The following RHOT2 variants were observed in gnomAD, a reference collection of about 807,000 sequenced individuals.
RHOT2 encodes mitochondrial Rho GTPase 2.
A neutral mutation model predicts 81.6 loss-of-function variants in RHOT2; 90 were observed. The observed-to-expected ratio is 1.10, with a 90% CI of 0.93 to 1.31. RHOT2 has a LOEUF of 1.31. Among genes scored for constraint, RHOT2 ranks in the 40% most tolerant of loss-of-function variants. The pLI, the probability that RHOT2 is intolerant of heterozygous loss-of-function variation, is 0.00. For missense variants in RHOT2, 1,014 were observed against 841.9 expected (o/e 1.20, Z -2.53); for synonymous variants, 512 against 370.9 (o/e 1.38, Z -4.37).
Position 668,382 on chromosome 16 carries a change from T to C in RHOT2, c.67T>C (p.Ser23Pro). 6.9e-7 allele frequency: 1 copy of C among 1,459,602 alleles called. No homozygotes were observed. The highest frequency in any genetic ancestry group is 2.6e-5 in the Admixed American group (1 of 38,902). The allele number at this position is 1,459,602 out of a possible 1,614,324, so 90.4% of individuals were successfully genotyped here. ...GGTGGGGAAGACGTCGCTGATCCTG[T>C]CCCTGGTGGGCGAGGAGTTCCCCGA... The part of the protein sequence containing the change: ...AQVGKTSLIL[S>P]LVGEEFPEEV... Residue 23 changes from serine to proline, a missense_variant, in exon 2 of 19, where the codon TCC (serine) becomes CCC (proline). Transcript: ENST00000315082.
chr16:670,186 GA>G lies in RHOT2; in HGVS notation c.329+12del, dbSNP rs781481956. The G allele has an allele frequency of 2.3e-5, 37 of 1,608,340 alleles. No individual in the cohort carries two copies. Among genetic ancestry groups the G allele is most frequent in the Non-Finnish European group, 2.7e-5 (32 of 1,177,888 alleles). On this transcript the variant is annotated intron_variant, in intron 6 of 18. Transcript: ENST00000315082. ...CACGCAGGGGCCCAGGTAATGAGGG[GA>G]TGTGGAAGGGGCTGGGACCCCTGGC... is the stretch of plus-strand genomic sequence containing the variant.
intron 11 of RHOT2, 85 bp from the exon 12 acceptor site, chr16:671,612 C>T (rs994298777): frequency 2.1e-5 from 31 of 1,451,768 alleles, no homozygotes; most frequent in African/African-American, 4.2e-5. Flanking sequence ...CCGGCTGCAC[C>T]GATGGGGCTG....
At chr16:669,887 C>T (rs545605592) in intron 5 of RHOT2, 114 of 609,570 alleles carry the variant, frequency 1.9e-4, no homozygotes, top group Non-Finnish European at 2.7e-4. Flanking sequence ...GCGTTGGGGG[C>T]GGCCCTAGGC....
rs1215593170 is a variant in RHOT2 at position 668,193 on chromosome 16, G to C, written c.-7G>C. On this transcript the variant is annotated 5_prime_UTR_variant, in exon 1 of 19. Coordinates refer to ENST00000315082, the MANE Select transcript of RHOT2 (RefSeq NM_138769.3). ...TCCGGGTCGGGGAGCGGCTCCGGGC[G>C]GCAGCTATGAGGCGGGACGTGCGCA... The C allele has an allele frequency of 1.2e-5, 6 of 482,820 alleles. No individual in the cohort carries two copies. The highest frequency in any genetic ancestry group is 5.0e-4 in the Middle Eastern group (1 of 2,000). The allele number at this position is 482,820 out of a possible 1,614,324, so 29.9% of individuals were successfully genotyped here.
Position 668,260 on chromosome 16 carries a change from G to A in RHOT2, c.37+24G>A, listed in dbSNP as rs747375765. ...GGGTAGGCGCCGGCCCGGGGGTCTC[G>A]GAGCTGCGGCGGCCGTGAGGCGGGG... On this transcript the variant is annotated intron_variant, in intron 1 of 18. Coordinates refer to ENST00000315082, the MANE Select transcript of RHOT2 (RefSeq NM_138769.3). 30 of 890,626 alleles carry A rather than the reference G, an allele frequency of 3.4e-5. 1 individual carries two copies. The African/African-American group carries it at 4.7e-4, about 14-fold the overall frequency. 55.2% of individuals were successfully genotyped at this position (890,626 alleles called of 1,614,324 possible).
rs2038898251 is a variant in RHOT2 at position 671,307 on chromosome 16, TC to T, written c.869+107del. The T allele has an allele frequency of 4.8e-6, 7 of 1,444,820 alleles. 1 individual carries two copies. In the South Asian group the frequency reaches 1.0e-4, roughly 21 times the overall value. The allele number at this position is 1,444,820 out of a possible 1,614,324, so 89.5% of individuals were successfully genotyped here. On this transcript the variant is annotated intron_variant, in intron 11 of 18. Transcript: ENST00000315082. Reference sequence around the variant, plus strand: ...TGACGCTGGGGTTTGAGGCCTGCCCTCCCTGAGGGTCAGTGAAGGTCTCGCT... The same window carrying T: ...TGACGCTGGGGTTTGAGGCCTGCCCTCCTGAGGGTCAGTGAAGGTCTCGCT...
Position 670,673 on chromosome 16 carries a change from A to C in RHOT2, c.541-2A>C. On this transcript the variant is annotated splice_acceptor_variant, in intron 8 of 18. Transcript: ENST00000315082. LOFTEE classifies it high-confidence loss of function. ...GAGGGTGCTGAGCCAACATCCCCAC[A>C]GTTGAGGCCCGCGTGCGCCCAGGCG... 1.2e-6 allele frequency: 2 copies of C among 1,612,060 alleles called. No individual in the cohort carries two copies. The highest frequency in any genetic ancestry group is 1.7e-6 in the Non-Finnish European group (2 of 1,179,730).
At position 673,967 on chromosome 16, in the gene RHOT2, T is replaced by G. The variant is rs1290730174; in HGVS notation, c.*361T>G. 6.4e-6 allele frequency: 3 copies of G among 470,314 alleles called. No homozygotes were observed. The highest frequency in any genetic ancestry group is 4.2e-6 in the Non-Finnish European group (1 of 240,826). The allele number at this position is 470,314 out of a possible 1,614,324, so 29.1% of individuals were successfully genotyped here. On this transcript the variant is annotated 3_prime_UTR_variant, in exon 19 of 19. Coordinates refer to ENST00000315082, the MANE Select transcript of RHOT2 (RefSeq NM_138769.3). ...TTCTCAGGGCTCTACCCCCCTTTCC[T>G]GGTCCTAGGTGGCCAGTGGGTATGA... is the stretch of plus-strand genomic sequence containing the variant.
At chr16:670,389 C>A in intron 7 of RHOT2, 32 bp downstream of exon 7, 1 of 1,610,516 alleles carries the variant, frequency 6.2e-7, no homozygotes, top group Non-Finnish European at 8.5e-7. Context: ...CCGCCTCCTT[C>A]ATTCCTTGTG....
intron 4 of RHOT2, 150 bp downstream of exon 4, chr16:668,849 A>G (rs1336029340): frequency 1.1e-5 from 8 of 754,512 alleles, no homozygotes; most frequent in East Asian, 3.0e-5. Context: ...GGGCCCCTAC[A>G]GCGCACCCCG....
intron 18 of RHOT2, 116 bp downstream of exon 18, chr16:673,246 G>A: frequency 4.6e-6 from 6 of 1,312,816 alleles, no homozygotes; most frequent in Non-Finnish European, 6.4e-6. Flanking sequence ...CCGAGCAGTG[G>A]GCAGCAGTGG....
At position 670,484 on chromosome 16, in the gene RHOT2, C is replaced by G; in HGVS notation, c.467C>G (p.Ser156Ter). 1.9e-6 allele frequency: 3 copies of G among 1,608,142 alleles called. No individual in the cohort carries two copies. The highest frequency in any genetic ancestry group is 2.5e-6 in the Non-Finnish European group (3 of 1,177,374). The change falls in exon 8 of 19, where the codon TCA (serine) becomes TGA (stop). Residue 156 changes from serine to a stop codon, truncating the protein, a stop_gained. Coordinates refer to ENST00000315082, the MANE Select transcript of RHOT2 (RefSeq NM_138769.3). LOFTEE classifies it high-confidence loss of function. Reference sequence around the variant, plus strand: ...TCGGCCAAGAACCTGAGGAACATCTCAGAGCTGTTCTACTACGCCCAGAAG... The same window carrying G: ...TCGGCCAAGAACCTGAGGAACATCTGAGAGCTGTTCTACTACGCCCAGAAG... Reference protein sequence around the residue: ...ECSAKNLRNISELFYYAQKAV... With the variant: ...ECSAKNLRNI
chr16:672,510 C>G lies in RHOT2; in HGVS notation c.1348C>G (p.Pro450Ala). The G allele has an allele frequency of 6.2e-7, 1 of 1,612,632 alleles. No homozygotes were observed. Among genetic ancestry groups the G allele is most frequent in the Non-Finnish European group, 8.5e-7 (1 of 1,179,926 alleles). ...TCAGCACCAGGACACGAGGGAGCAGCCTCCCGGCTACGCCATCGACACGGT... is the reference window on the plus strand; with the variant it reads ...TCAGCACCAGGACACGAGGGAGCAGGCTCCCGGCTACGCCATCGACACGGT... ...GLGHQDTREQ[P>A]PGYAIDTVQV... is the part of the protein sequence containing the mutation. Residue 450 changes from proline (P) to alanine (A), a missense_variant, in exon 16 of 19, where the codon CCT becomes GCT. Physicochemically the swap from Pro to Ala is conservative, Grantham distance 27. Transcript: ENST00000315082.
In RHOT2 at chr16:673,792, C is replaced by G. The variant is rs2039344357; in HGVS notation, c.*186C>G. 1 of 757,802 alleles carries G rather than the reference C, an allele frequency of 1.3e-6. No individual in the cohort carries two copies. Among genetic ancestry groups the G allele is most frequent in the Non-Finnish European group, 2.1e-6 (1 of 481,540 alleles). The allele number at this position is 757,802 out of a possible 1,614,324, so 46.9% of individuals were successfully genotyped here. On this transcript the variant is annotated 3_prime_UTR_variant, in exon 19 of 19. Transcript: ENST00000315082. ...TATGCTGCCATGCACTGCCCTGGCT[C>G]CTGCCGGACCCCCAGGGTGGGCCGT...
intron 18 of RHOT2, 66 bp from the exon 19 acceptor site, chr16:673,414 G>C: frequency 4.4e-6 from 7 of 1,604,850 alleles, no homozygotes; most frequent in Non-Finnish European, 6.0e-6. Context: ...GGACATGGGA[G>C]GGTGCCCAGC....
At chr16:673,185 T>A in intron 18 of RHOT2, 55 bp downstream of exon 18, 1 of 1,552,088 alleles carries the variant, frequency 6.4e-7, no homozygotes. Context: ...ATCCGAGCAG[T>A]GGGCAGCGGT....
intron 16 of RHOT2, 43 bp downstream of exon 16, chr16:672,609 G>C: frequency 2.5e-6 from 4 of 1,609,956 alleles, no homozygotes; most frequent in Non-Finnish European, 3.4e-6. Context: ...GGGTGGACCC[G>C]GGGACACCCA....
In RHOT2 at chr16:672,562, T is replaced by C. The variant is rs2039149804; in HGVS notation, c.1400T>C (p.Leu467Ser). The change falls in exon 16 of 19, where the codon TTG becomes TCG. Residue 467 changes from leucine (L) to serine (S), a missense_variant. Coordinates refer to ENST00000315082, the MANE Select transcript of RHOT2 (RefSeq NM_138769.3). ...TVQVNGQEKY[L>S]ILCEVGTDGL... ...CAGGTCAATGGACAGGAGAAGTACT[T>C]GATCGTGAGTGCTGGGGCGGCGCGG... The C allele has an allele frequency of 1.9e-6, 3 of 1,612,492 alleles. No homozygotes were observed. The highest frequency in any genetic ancestry group is 1.1e-5 in the South Asian group (1 of 91,088).
Position 670,983 on chromosome 16 carries a change from A to G in RHOT2, c.731A>G (p.Asp244Gly), listed in dbSNP as rs542078395. 4 of 1,576,060 alleles carry G rather than the reference A, an allele frequency of 2.5e-6. No individual in the cohort carries two copies. The highest frequency in any genetic ancestry group is 1.7e-5 in the Admixed American group (1 of 57,824). Residue 244 changes from aspartate (D) to glycine (G), a missense_variant, in exon 10 of 19, where the codon GAC becomes GGC. Physicochemically the swap from Asp to Gly is moderately conservative, Grantham distance 94 (BLOSUM62 -1). Transcript: ENST00000315082. ...AACGTGGCGGGCGGCGTGCGGGAGGACCGGCTGACCCTGGATGGTGAGGCC... is the reference window on the plus strand; with the variant it reads ...AACGTGGCGGGCGGCGTGCGGGAGGGCCGGCTGACCCTGGATGGTGAGGCC... ...CRNVAGGVREDRLTLDGFLFL... is the reference protein window; with the variant it reads ...CRNVAGGVREGRLTLDGFLFL...
Sources: allele counts gnomAD v4.1 joint callset, GRCh38; gene constraint gnomAD v4.1.1; transcripts MANE v1.5; gene names NCBI Gene and HGNC (gene_info 2026-07-23, HGNC 2026-07-21).